Variants in RNF146 observed in about 807,000 individuals in gnomAD.
RNF146 encodes E3 ubiquitin-protein ligase RNF146.
RNF146 carries 11 observed loss-of-function variants against 29.7 expected under a neutral mutation model. That is an observed-to-expected ratio of 0.37 (90% confidence interval 0.23 to 0.61). The LOEUF (loss-of-function observed/expected upper bound fraction) is 0.61, where lower values mean the gene tolerates loss of function less well. Ranked by LOEUF, RNF146 falls within the 20% of genes least tolerant of loss-of-function variation. The pLI is 0.66. For missense variants in RNF146, 342 were observed against 438.9 expected, an observed-to-expected ratio of 0.78 and a Z score of 1.97; for synonymous variants, 150 against 159.7, an observed-to-expected ratio of 0.94 and a Z score of 0.46.
intron 1 of RNF146, among the ~76,000 whole-genome samples, chr6:127,274,464 A>T (rs1035091426): frequency 2.0e-5 from 3 of 152,204 alleles, no homozygotes; most frequent in Non-Finnish European, 4.4e-5. Context: ...GATTGGTTAC[A>T]GATAATGTGT....
intron 1 of RNF146, among the ~76,000 whole-genome samples, chr6:127,267,331 G>A (rs747713132): frequency 2.2e-4 from 33 of 152,260 alleles, no homozygotes; most frequent in Non-Finnish European, 4.6e-4. Context: ...AGCCTCTTCC[G>A]CCTGAGCCCG....
chr6:127,276,340 A>G (rs1476607320), intron 1 of RNF146, among the ~76,000 whole-genome samples: 2 of 152,072 alleles, frequency 1.3e-5, no homozygotes, highest in Non-Finnish European at 1.5e-5. Flanking sequence ...ATTAGGAATA[A>G]AAGTTGACAG....
Position 127,286,625 on chromosome 6 carries a change from C to T in RNF146, c.12C>T (p.Gly4=). The T allele has an allele frequency of 6.2e-7, 1 of 1,605,874 alleles. No homozygotes were observed. Among genetic ancestry groups the T allele is most frequent in the Non-Finnish European group, 8.5e-7 (1 of 1,176,012 alleles). The part of the protein sequence containing the change: MMA[G]CGEIDHSINM... Reference sequence around the variant, plus strand: ...ATGTATTTTTTCTTAGGATGGCTGGCTGTGGTGAAATTGATCATTCAATAA... The same window carrying T: ...ATGTATTTTTTCTTAGGATGGCTGGTTGTGGTGAAATTGATCATTCAATAA... The change falls in exon 3 of 3, where the codon GGC becomes GGT. Residue 4 remains glycine, a synonymous_variant. Transcript: ENST00000368314. The surrounding 1 kb of genome is among the most constrained non-coding windows in gnomAD (Gnocchi z 4.6).
intron 2 of RNF146, chr6:127,285,251 A>C (rs1280860680): frequency 1.0e-6 from 1 of 984,982 alleles, no homozygotes. Flanking sequence ...GGAACCAAGA[A>C]CACAGAAAAG....
chr6:127,285,345 G>A (rs1582899980), intron 2 of RNF146: 2 of 984,700 alleles, frequency 2.0e-6, no homozygotes, highest in South Asian at 4.7e-5. Context: ...AATTTTTGAT[G>A]AGCGTAAGCA....
intron 1 of RNF146, among the ~76,000 whole-genome samples, chr6:127,279,100 G>A (rs1024743576): frequency 1.3e-5 from 2 of 151,764 alleles, no homozygotes; most frequent in African/African-American, 4.8e-5. Flanking sequence ...TCTTAACAGT[G>A]TCTTTTGATG....
chr6:127,280,928 A>G (rs993772365), intron 2 of RNF146, among the ~76,000 whole-genome samples: 1 of 151,744 alleles, frequency 6.6e-6, no homozygotes, highest in Non-Finnish European at 1.5e-5. Context: ...TATTGATGAA[A>G]CATTTTTCAC....
intron 1 of RNF146, among the ~76,000 whole-genome samples, chr6:127,278,755 A>G (rs1778566446): frequency 6.6e-6 from 1 of 151,936 alleles, no homozygotes. Flanking sequence ...ACACCCTTTT[A>G]CCTTCCTACC....
rs754948622 is a variant in RNF146, at chr6:127,286,680, G to A, written c.67G>A (p.Glu23Lys). The A allele has an allele frequency of 1.9e-6, 3 of 1,613,050 alleles. No homozygotes were observed. The highest frequency in any genetic ancestry group is 2.5e-6 in the Non-Finnish European group (3 of 1,179,476). The change falls in exon 3 of 3, where the codon GAG (glutamate) becomes AAG (lysine). Residue 23 changes from glutamate to lysine, a missense_variant. Coordinates refer to ENST00000368314, the MANE Select transcript of RNF146 (RefSeq NM_001242850.2). The surrounding 1 kb of genome is among the most constrained non-coding windows in gnomAD (Gnocchi z 4.6). ...GCTTCCTACAAACAGGAAAGCGAAC[G>A]AGTCCTGTTCTAATACTGCACCTTC... Reference protein sequence around the residue: ...NMLPTNRKANESCSNTAPSLT... With the variant: ...NMLPTNRKANKSCSNTAPSLT...
chr6:127,276,145 G>A (rs996733286), intron 1 of RNF146, among the ~76,000 whole-genome samples: 3 of 151,730 alleles, frequency 2.0e-5, no homozygotes, highest in Admixed American at 1.3e-4. Context: ...GAAACAGACT[G>A]TAGAGTGAGT....
At chr6:127,271,462 A>G (rs1250775899) in intron 1 of RNF146, among the ~76,000 whole-genome samples, 1 of 152,230 alleles carries the variant, frequency 6.6e-6, no homozygotes, top group Non-Finnish European at 1.5e-5. Context: ...TGTCTTCGGC[A>G]AAAGTCTAGG....
In RNF146 at chr6:127,287,370, A is replaced by G. The variant is rs767517501; in HGVS notation, c.757A>G (p.Ser253Gly). 2 of 1,613,490 alleles carry G rather than the reference A, an allele frequency of 1.2e-6. No individual in the cohort carries two copies. Among genetic ancestry groups the G allele is most frequent in the African/African-American group, 1.3e-5 (1 of 74,984 alleles). ...AGACTCTTTTGCTCATTTACAACTCAGTGGAGACAACACAGCTGAAAGGAG... is the reference window on the plus strand; with the variant it reads ...AGACTCTTTTGCTCATTTACAACTCGGTGGAGACAACACAGCTGAAAGGAG... ...LEDSFAHLQL[S>G]GDNTAERSHR... The change falls in exon 3 of 3, where the codon AGT (serine) becomes GGT (glycine). Residue 253 changes from serine to glycine, a missense_variant. Coordinates refer to ENST00000368314, the MANE Select transcript of RNF146 (RefSeq NM_001242850.2).
At chr6:127,278,507 A>G (rs1778531755) in intron 1 of RNF146, among the ~76,000 whole-genome samples, 1 of 151,562 alleles carries the variant, frequency 6.6e-6, no homozygotes, top group African/African-American at 2.4e-5. Flanking sequence ...TCTATATTGT[A>G]GCACATATTT....
Position 127,286,164 on chromosome 6 carries a change from A to G in RNF146, c.3-452A>G. 1 of 1,230,726 alleles carries G rather than the reference A, an allele frequency of 8.1e-7. No individual in the cohort carries two copies. The highest frequency in any genetic ancestry group is 3.2e-5 in the East Asian group (1 of 31,578). The allele number at this position is 1,230,726 out of a possible 1,614,324, so 76.2% of individuals were successfully genotyped here. A position where few individuals can be genotyped will look rare whatever the true frequency, so the allele number is the denominator to read the frequency against. On this transcript the variant is annotated intron_variant, in intron 2 of 2. Transcript: ENST00000368314. This position sits in a 1 kb window ranked among gnomAD's most constrained non-coding sequence, Gnocchi z 4.6. Reference sequence around the variant, plus strand: ...GTCCATTTTTACCTGAGCTTTGTAAACTCTGATTTGCAGGTAAGGAAATTT... The same window carrying G: ...GTCCATTTTTACCTGAGCTTTGTAAGCTCTGATTTGCAGGTAAGGAAATTT...
At chr6:127,270,376 G>A (rs983128418) in intron 1 of RNF146, among the ~76,000 whole-genome samples, 1 of 151,814 alleles carries the variant, frequency 6.6e-6, no homozygotes, top group African/African-American at 2.4e-5. Context: ...ATTAAGTTTG[G>A]TGTAAAATTT....
intron 1 of RNF146, among the ~76,000 whole-genome samples, chr6:127,269,174 G>A (rs981069720): frequency 6.6e-6 from 1 of 152,094 alleles, no homozygotes; most frequent in African/African-American, 2.4e-5. Context: ...GCTTACTTAC[G>A]GACTATCTTT....
intron 2 of RNF146, 200 bp downstream of exon 2, chr6:127,280,540 A>G: frequency 8.0e-7 from 1 of 1,247,008 alleles, no homozygotes; most frequent in African/African-American, 1.5e-5. Context: ...TCAAAAGGAA[A>G]AGTCTCTATA....
At chr6:127,275,699 G>A (rs1778113062) in intron 1 of RNF146, among the ~76,000 whole-genome samples, 1 of 152,062 alleles carries the variant, frequency 6.6e-6, no homozygotes, top group African/African-American at 2.4e-5. Flanking sequence ...GGTAGTCAGA[G>A]AAAATGGTAG....
chr6:127,273,064 C>T (rs1582866813), intron 1 of RNF146, among the ~76,000 whole-genome samples: 1 of 69,214 alleles, frequency 1.4e-5, no homozygotes, highest in East Asian at 5.1e-4. Flanking sequence ...CTTGTAATGG[C>T]ATGACTTCTT....
Sources: gnomAD v4.1 joint callset for allele counts (sites outside exome capture counted in the v4.1 genomes callset) on GRCh38, gnomAD v4.1.1 for gene constraint, Gnocchi (gnomAD v3.1) non-coding constraint, MANE v1.5 for transcripts, NCBI Gene and HGNC (gene_info 2026-07-23, HGNC 2026-07-21) for gene names.